The following SLC38A5 variants were observed in gnomAD, a reference collection of about 807,000 sequenced individuals.
The protein encoded by SLC38A5 is sodium-coupled neutral amino acid transporter 5.
A neutral mutation model predicts 34.6 loss-of-function variants in SLC38A5; 9 were observed. That is an observed-to-expected ratio of 0.26 (90% CI 0.16 to 0.45). The LOEUF (loss-of-function observed/expected upper bound fraction) is 0.45. Ranked by LOEUF, SLC38A5 falls within the 20% of genes least tolerant of loss-of-function variation. SLC38A5 has a pLI of 1.00. For missense variants in SLC38A5, 253 were observed against 394.7 expected (o/e 0.64, Z 3.04); for synonymous variants, 157 against 155.6 (o/e 1.01, Z -0.07).
At chrX:48,467,383 G>A (rs1430565775) in intron 4 of SLC38A5, 1 of 412,677 alleles carries the variant, frequency 2.4e-6, no homozygotes, top group African/African-American at 2.5e-5. Context: ...AGACGCTGCG[G>A]GTGGGGATAG....
At chrX:48,465,941 G>A (rs993468634) in intron 8 of SLC38A5, 74 bp downstream of exon 8, 28 of 898,729 alleles carry the variant, frequency 3.1e-5, no homozygotes, top group East Asian at 2.3e-4. Flanking sequence ...CACACACAGC[G>A]CTGAAGATAC....
intron 2 of SLC38A5, chrX:48,469,054 T>C: frequency 2.7e-6 from 2 of 752,939 alleles, no homozygotes; most frequent in East Asian, 1.5e-4. Flanking sequence ...TCAAACTGGC[T>C]CAGGAAATCC....
At chrX:48,462,847 C>A in intron 9 of SLC38A5, 51 bp downstream of exon 9, 1 of 1,007,539 alleles carries the variant, frequency 9.9e-7, no homozygotes, top group Non-Finnish European at 1.4e-6. Context: ...CTCAGTCTGG[C>A]TTCTTCTGTC....
Position 48,467,036 on chromosome X carries a change from G to A in SLC38A5, c.171C>T (p.Leu57=). Residue 57 remains leucine (L), a synonymous_variant, in exon 5 of 17, where the codon CTC becomes CTT. Coordinates refer to ENST00000620913, the MANE Select transcript of SLC38A5 (RefSeq NM_033518.4). ...KTSFGMSVFN[L]SNAIMGSGIL... ...TGCCGCTGCCCATGATGGCGTTGCT[G>A]AGGTTGAACACTGACATTCCAAACG... 1 of 1,212,096 alleles carries A rather than the reference G, an allele frequency of 8.3e-7. No individual in the cohort carries two copies. Among genetic ancestry groups the A allele is most frequent in the East Asian group, 3.0e-5 (1 of 33,853 alleles).
chrX:48,458,599 A>G lies in SLC38A5; in HGVS notation c.*334T>C. ...TAGCCCGAGGGTAATCCTGACAAAC[A>G]GCTTCAGCCAGGAGGAGGCAGAGAG... On this transcript the variant is annotated 3_prime_UTR_variant, in exon 17 of 17. Transcript: ENST00000620913. 1.2e-6 allele frequency: 1 copy of G among 867,619 alleles called. No individual in the cohort carries two copies. The highest frequency in any genetic ancestry group is 1.4e-6 in the Non-Finnish European group (1 of 710,735). The allele number at this position is 867,619 out of a possible 1,213,427, so 71.5% of individuals were successfully genotyped here.
intron 4 of SLC38A5, 163 bp downstream of exon 4, chrX:48,467,547 G>A: frequency 4.1e-6 from 2 of 487,198 alleles, no homozygotes; most frequent in Non-Finnish European, 7.1e-6. Context: ...CTGGGGAAGA[G>A]GAGTATCTGG....
chrX:48,458,747 G>T lies in SLC38A5; in HGVS notation c.*186C>A. The stretch of plus-strand genomic sequence containing the variant: ...GGGTTGGGGTTGGGATTAGGGCCAT[G>T]ATCCAAGCTTGGCATCCCTGGGGAG... On this transcript the variant is annotated 3_prime_UTR_variant, in exon 17 of 17. Coordinates refer to ENST00000620913, the MANE Select transcript of SLC38A5 (RefSeq NM_033518.4). The T allele has an allele frequency of 9.5e-7, 1 of 1,054,002 alleles. No homozygotes were observed. Among genetic ancestry groups the T allele is most frequent in the South Asian group, 2.6e-5 (1 of 38,202 alleles). The allele number at this position is 1,054,002 out of a possible 1,213,427, so 86.9% of individuals were successfully genotyped here. A position where few individuals can be genotyped will look rare whatever the true frequency, so the allele number is the denominator to read the frequency against.
chrX:48,461,040 C>T lies in SLC38A5; in HGVS notation c.898G>A (p.Ala300Thr). Reference sequence around the variant, plus strand: ...GTGAGCCCATACATGCAGAACATGGCCCCAATGGACACGTTGGCCACGGCC... The same window carrying T: ...GTGAGCCCATACATGCAGAACATGGTCCCAATGGACACGTTGGCCACGGCC... Reference protein sequence around the residue: ...MQAVANVSIGAMFCMYGLTAT... With the variant: ...MQAVANVSIGTMFCMYGLTAT... Residue 300 changes from alanine (A) to threonine (T), a missense_variant, in exon 13 of 17, where the codon GCC (alanine) becomes ACC (threonine). Coordinates refer to ENST00000620913, the MANE Select transcript of SLC38A5 (RefSeq NM_033518.4). The T allele has an allele frequency of 2.5e-6, 3 of 1,208,417 alleles. No individual in the cohort carries two copies. The highest frequency in any genetic ancestry group is 3.4e-6 in the Non-Finnish European group (3 of 894,444).
chrX:48,466,310 T>C lies in SLC38A5; in HGVS notation c.332A>G (p.Tyr111Cys). The change falls in exon 7 of 17, where the codon TAT (tyrosine) becomes TGT (cysteine). Residue 111 changes from tyrosine (Y) to cysteine (C), a missense_variant. By Grantham distance (194) the Tyr-to-Cys change is radical (BLOSUM62 -2). Coordinates refer to ENST00000620913, the MANE Select transcript of SLC38A5 (RefSeq NM_033518.4). ...TCAGIAGIRA[Y>C]EQLGQRAFGP... ...GAATGCCCTCTGTCCCAGCTGCTCA[T>C]AGGCTCGGATGCCTAGCGGGGGGAG... is the stretch of plus-strand genomic sequence containing the variant. 1 of 1,197,433 alleles carries C rather than the reference T, an allele frequency of 8.4e-7. No homozygotes were observed. Among genetic ancestry groups the C allele is most frequent in the Non-Finnish European group, 1.1e-6 (1 of 888,291 alleles).
intron 4 of SLC38A5, chrX:48,467,469 G>C (rs1344628476): frequency 1.1e-4 from 48 of 428,833 alleles, no homozygotes; most frequent in Non-Finnish European, 1.0e-4. Flanking sequence ...CAGCCAGGGA[G>C]GGCAGTCACT....
intron 9 of SLC38A5, among the ~76,000 whole-genome samples, chrX:48,462,641 G>A (rs1259679140): frequency 9.1e-6 from 1 of 109,560 alleles, no homozygotes; most frequent in Non-Finnish European, 1.9e-5. Context: ...AAAAATCAAT[G>A]GACCCCCGGA....
intron 8 of SLC38A5, among the ~76,000 whole-genome samples, chrX:48,465,007 G>C (rs2061465716): frequency 9.1e-6 from 1 of 109,922 alleles, no homozygotes; most frequent in Admixed American, 9.7e-5. Flanking sequence ...ACCATGCAAA[G>C]CCCATGGGAC....
rs1467306694 is a variant in SLC38A5, at chrX:48,462,234, G to A, written c.632C>T (p.Ser211Leu). Residue 211 changes from serine to leucine, a missense_variant and splice_region_variant, in exon 10 of 17, where the codon TCG (serine) becomes TTG (leucine). Physicochemically the swap from Ser to Leu is moderately radical, Grantham distance 145 (BLOSUM62 -2). Coordinates refer to ENST00000620913, the MANE Select transcript of SLC38A5 (RefSeq NM_033518.4). ...TCTCCCCGCTTCTCTGTGACTCACC[G>A]AAACAAGGAAAAACAGCATGCAGGT... ...SLTCMLFFLV[S>L]VIYKKFQLGC... is the part of the protein sequence containing the mutation. The A allele has an allele frequency of 3.3e-6, 4 of 1,211,161 alleles. No homozygotes were observed. Among genetic ancestry groups the A allele is most frequent in the Non-Finnish European group, 4.5e-6 (4 of 895,267 alleles).
chrX:48,468,998 G>A (rs1043493362), intron 2 of SLC38A5: 14 of 750,816 alleles, frequency 1.9e-5, no homozygotes, highest in Middle Eastern at 7.5e-4. Flanking sequence ...TTACTCCTTG[G>A]GAAGGAGGTA....
At position 48,459,752 on chromosome X, in the gene SLC38A5, C is replaced by T. The variant is rs782272171; in HGVS notation, c.1193G>A (p.Arg398Gln). Residue 398 changes from arginine to glutamine, a missense_variant, in exon 15 of 17, where the codon CGG (arginine) becomes CAG (glutamine). Transcript: ENST00000620913. ...CTGACCGATAACTCCAAAGATATCC[C>T]GGATGGTTGGCACACAGATGACAAG... ...NVLVICVPTI[R>Q]DIFGVIGSTS... The T allele has an allele frequency of 5.2e-5, 63 of 1,209,281 alleles. No individual in the cohort carries two copies. Among genetic ancestry groups the T allele is most frequent in the African/African-American group, 3.7e-4 (21 of 57,137 alleles).
At chrX:48,465,538 G>T (rs1452931864) in intron 8 of SLC38A5, among the ~76,000 whole-genome samples, 1 of 112,172 alleles carries the variant, frequency 8.9e-6, no homozygotes, top group Admixed American at 9.5e-5. Context: ...TCAGCCAGAT[G>T]AACCTAGAAT....
In SLC38A5 at chrX:48,458,942, A is replaced by G; in HGVS notation, c.1410T>C (p.Ser470=). 8.4e-7 allele frequency: 1 copy of G among 1,184,813 alleles called. No individual in the cohort carries two copies. Among genetic ancestry groups the G allele is most frequent in the Non-Finnish European group, 1.1e-6 (1 of 880,895 alleles). The part of the protein sequence containing the change: ...ANWATGQSRM[S]GH The stretch of plus-strand genomic sequence containing the variant: ...GGCCAGCAGGGCCTGATCAGTGTCC[A>G]GACATGCGGCTCTGGCCTGTGGCCC... The change falls in exon 17 of 17, where the codon TCT becomes TCC. Residue 470 remains serine, a synonymous_variant. Coordinates refer to ENST00000620913, the MANE Select transcript of SLC38A5 (RefSeq NM_033518.4).
chrX:48,466,161 C>T, intron 7 of SLC38A5, 68 bp from the exon 8 acceptor site: 2 of 1,156,918 alleles, frequency 1.7e-6, no homozygotes, highest in Non-Finnish European at 2.3e-6. Flanking sequence ...TTCCCCAGCC[C>T]AGCCTGGGGA....
chrX:48,459,799 G>C lies in SLC38A5; in HGVS notation c.1146C>G (p.Ile382Met), dbSNP rs1556961454. Residue 382 changes from isoleucine (I) to methionine (M), a missense_variant, in exon 15 of 17, where the codon ATC becomes ATG. Around this residue, in one of 3 missense-constraint regions of SLC38A5, gnomAD observed 176 missense variants for 273.0 expected, o/e 0.64. Coordinates refer to ENST00000620913, the MANE Select transcript of SLC38A5 (RefSeq NM_033518.4). The stretch of plus-strand genomic sequence containing the variant: ...CAAGGACATTGACCAAAACAAGCAG[G>C]ATCAGAGCTATGGCCACATGTCGTG... ...SWPRHVAIAL[I>M]LLVLVNVLVI... 8.3e-7 allele frequency: 1 copy of C among 1,211,678 alleles called. No homozygotes were observed. The highest frequency in any genetic ancestry group is 1.1e-6 in the Non-Finnish European group (1 of 895,429).
Sources: allele counts gnomAD v4.1 joint callset (sites outside exome capture counted in the v4.1 genomes callset), GRCh38; gene constraint gnomAD v4.1.1; regional missense constraint gnomAD v4.1.1; transcripts MANE v1.5; gene names NCBI Gene and HGNC (gene_info 2026-07-23, HGNC 2026-07-21).